Variants in STX2 observed in about 807,000 individuals in gnomAD.
The protein encoded by STX2 is syntaxin-2.
STX2 carries 27 observed loss-of-function variants against 40.6 expected under a neutral mutation model. The ratio of observed to expected loss-of-function variants is 0.66; its 90% confidence interval spans 0.49 to 0.92. The LOEUF is 0.92. Among genes scored for constraint, STX2 ranks in the 40% least tolerant of loss-of-function variants. The pLI is 0.00. For synonymous variants in STX2, 123 were observed against 119.1 expected (o/e 1.03, Z -0.22); for missense variants, 328 against 366.1 (o/e 0.90, Z 0.85).
At chr12:130,813,437 A>C (rs1723276997) in intron 3 of STX2, among the ~76,000 whole-genome samples, 1 of 152,224 alleles carries the variant, frequency 6.6e-6, no homozygotes, top group Non-Finnish European at 1.5e-5. Flanking sequence ...CGATGATCTC[A>C]ACAAAGTCTC....
At chr12:130,823,266 T>C (rs1305393888) in intron 2 of STX2, among the ~76,000 whole-genome samples, 1 of 152,186 alleles carries the variant, frequency 6.6e-6, no homozygotes, top group African/African-American at 2.4e-5. Context: ...GAGCTGTGAC[T>C]GCACCACTAC....
intron 1 of STX2, among the ~76,000 whole-genome samples, chr12:130,828,025 C>T (rs1952390585): frequency 1.3e-5 from 2 of 152,170 alleles, no homozygotes; most frequent in South Asian, 4.1e-4. Flanking sequence ...GGGCTCCAGC[C>T]TCCTCCCCAG....
At chr12:130,821,958 C>T (rs1355512198) in intron 2 of STX2, among the ~76,000 whole-genome samples, 170 bp from the exon 3 acceptor site, 1 of 152,154 alleles carries the variant, frequency 6.6e-6, no homozygotes, top group African/African-American at 2.4e-5. Context: ...AAAGATATAT[C>T]CTATGAATAT....
chr12:130,801,165 A>C lies in STX2; in HGVS notation c.663T>G (p.Phe221Leu). 6.2e-7 allele frequency: 1 copy of C among 1,612,170 alleles called. No individual in the cohort carries two copies. The highest frequency in any genetic ancestry group is 8.5e-7 in the Non-Finnish European group (1 of 1,178,684). ...LHEMFMDMAM[F>L]VETQGEMINN... ...AGTCTGTAACTACCTGAGTCTCCAC[A>C]AACATAGCCATGTCCATGAACATCT... The change falls in exon 8 of 11, where the codon TTT (phenylalanine) becomes TTG (leucine). Residue 221 changes from phenylalanine (F) to leucine (L), a missense_variant. Physicochemically the swap from Phe to Leu is conservative, Grantham distance 22 (BLOSUM62 0). Transcript: ENST00000392373.
chr12:130,792,218 G>A (rs12811588), intron 10 of STX2, among the ~76,000 whole-genome samples: 52,331 of 151,782 alleles, frequency 0.34, 9,328 homozygotes, highest in Middle Eastern at 0.41. Flanking sequence ...CCGCCACCAC[G>A]CCCAGCTAAT....
At chr12:130,793,878 A>G (rs1950951112) in intron 10 of STX2, among the ~76,000 whole-genome samples, 1 of 152,246 alleles carries the variant, frequency 6.6e-6, no homozygotes, top group African/African-American at 2.4e-5. Context: ...CTATGCAAAG[A>G]TAACTGCTGG....
chr12:130,798,369 A>G, intron 9 of STX2, 156 bp downstream of exon 9: 2 of 502,718 alleles, frequency 4.0e-6, no homozygotes, highest in Non-Finnish European at 6.5e-6. Flanking sequence ...AAACCTTTTA[A>G]ATTTTTAGCA....
chr12:130,813,927 C>T (rs910986996), intron 3 of STX2, among the ~76,000 whole-genome samples: 6 of 152,248 alleles, frequency 3.9e-5, no homozygotes, highest in African/African-American at 1.2e-4. Flanking sequence ...ACGCATCAGC[C>T]GGGGAAAAGG....
intron 5 of STX2, among the ~76,000 whole-genome samples, chr12:130,807,597 C>T (rs565990196): frequency 1.9e-4 from 29 of 152,316 alleles, no homozygotes; most frequent in Non-Finnish European, 3.7e-4. Flanking sequence ...CGTGCTTCAT[C>T]GCCTCGTGCC....
chr12:130,823,652 G>A (rs961391843), intron 2 of STX2, among the ~76,000 whole-genome samples: 22 of 152,322 alleles, frequency 1.4e-4, no homozygotes, highest in African/African-American at 4.6e-4. Flanking sequence ...GGAGGCTTGC[G>A]GCTCTGCCCT....
At chr12:130,798,250 CAA>C (rs5801935) in intron 9 of STX2, 7,361 of 147,006 alleles carry the variant, frequency 0.05, no homozygotes, top group South Asian at 0.11. Flanking sequence ...AACTCCAATT[CAA>C]AAAAAAAAAA....
chr12:130,828,727 GC>G (rs1256452319), intron 1 of STX2, among the ~76,000 whole-genome samples: 1 of 151,692 alleles, frequency 6.6e-6, no homozygotes, highest in East Asian at 2.0e-4. Flanking sequence ...AATTAGCCGG[GC>G]GCAGTAGTGG....
At chr12:130,831,862 T>C (rs1593192777) in intron 1 of STX2, among the ~76,000 whole-genome samples, 1 of 141,860 alleles carries the variant, frequency 7.0e-6, no homozygotes, top group African/African-American at 2.5e-5. Flanking sequence ...ATTACACTTC[T>C]GCAATTTTTT....
At chr12:130,818,859 G>A (rs1043904638) in intron 3 of STX2, among the ~76,000 whole-genome samples, 2 of 152,204 alleles carry the variant, frequency 1.3e-5, no homozygotes, top group Non-Finnish European at 2.9e-5. Context: ...GTCCTGCAGG[G>A]GGAATCCCAG....
intron 1 of STX2, 66 bp downstream of exon 1, chr12:130,839,004 G>A: frequency 9.9e-7 from 1 of 1,014,518 alleles, no homozygotes; most frequent in South Asian, 2.5e-5. Context: ...GACGCCCCGA[G>A]CCCCCGCCCG....
chr12:130,829,328 CAT>C lies in STX2; in HGVS notation c.31-2063_31-2062del, dbSNP rs140024345. On this transcript the variant is annotated intron_variant, in intron 1 of 10. Coordinates refer to ENST00000392373, the MANE Select transcript of STX2 (RefSeq NM_194356.4). ...TTGGCAATTTGAAATACTCTACACACATGTTCTCATTAATTTTATGGTCCCCA... is the reference window on the plus strand; with the variant it reads ...TTGGCAATTTGAAATACTCTACACACGTTCTCATTAATTTTATGGTCCCCA... 4.4e-3 allele frequency among the ~76,000 whole-genome samples: 673 copies of C among 152,344 alleles called. 9 individuals are homozygous for C. The highest frequency in any genetic ancestry group is 0.016 in the African/African-American group (647 of 41,584).
At chr12:130,835,721 A>G (rs1203330218) in intron 1 of STX2, among the ~76,000 whole-genome samples, 1 of 152,136 alleles carries the variant, frequency 6.6e-6, no homozygotes, top group Non-Finnish European at 1.5e-5. Flanking sequence ...ACATTCAAGT[A>G]CCTGCTGGAT....
intron 10 of STX2, among the ~76,000 whole-genome samples, chr12:130,795,039 A>T (rs1950986218): frequency 6.6e-6 from 1 of 152,226 alleles, no homozygotes; most frequent in Non-Finnish European, 1.5e-5. Context: ...GAAACCACAA[A>T]GCCTGCTGAA....
intron 6 of STX2, among the ~76,000 whole-genome samples, chr12:130,803,219 G>A (rs953720949): frequency 4.6e-5 from 7 of 152,158 alleles, no homozygotes; most frequent in Admixed American, 2.6e-4. Context: ...ATCTATTTGA[G>A]AGCACACATG....
Sources: gnomAD v4.1 joint callset for allele counts (sites outside exome capture counted in the v4.1 genomes callset) on GRCh38, gnomAD v4.1.1 for gene constraint, MANE v1.5 for transcripts, NCBI Gene and HGNC (gene_info 2026-07-23, HGNC 2026-07-21) for gene names.